The following HARBI1 variants were observed in gnomAD, a reference collection of about 807,000 sequenced individuals.
HARBI1 encodes harbinger transposase derived 1.
A neutral mutation model predicts 25.3 loss-of-function variants in HARBI1; 15 were observed. That is an observed-to-expected ratio of 0.59 (90% CI 0.40 to 0.91). HARBI1 has a LOEUF of 0.91. HARBI1 is among the 40% of genes least tolerant of loss of function. The pLI is 0.00. For synonymous variants in HARBI1, 168 were observed against 160.5 expected (o/e 1.05, Z -0.35); for missense variants, 396 against 445.8 (o/e 0.89, Z 1.01).
intron 2 of HARBI1, chr11:46,604,373 C>A (rs1229078304): frequency 1.2e-6 from 1 of 843,386 alleles, no homozygotes; most frequent in African/African-American, 1.8e-5. Flanking sequence ...CCATTGCACT[C>A]CAACCTGGGC....
At chr11:46,607,911 CAAAAA>C (rs201193777) in intron 2 of HARBI1, among the ~76,000 whole-genome samples, 1 of 74,904 alleles carries the variant, frequency 1.3e-5, no homozygotes, top group African/African-American at 4.3e-5. Flanking sequence ...AAAAATAATG[CAAAAA>C]AAAAAAAAAA....
intron 2 of HARBI1, among the ~76,000 whole-genome samples, chr11:46,607,717 A>T (rs1230486724): frequency 6.6e-6 from 1 of 152,210 alleles, no homozygotes; most frequent in Non-Finnish European, 1.5e-5. Context: ...TTATATGATC[A>T]GTCATCCACA....
chr11:46,612,533 A>G (rs1055257677), intron 2 of HARBI1, among the ~76,000 whole-genome samples: 1 of 152,198 alleles, frequency 6.6e-6, no homozygotes, highest in East Asian at 1.9e-4. Context: ...TGTTCTACTC[A>G]TAACAGTAAG....
At chr11:46,617,765 G>GCGA, upstream of HARBI1, 2 of 399,018 alleles carry the variant, frequency 5.0e-6, no homozygotes, top group Non-Finnish European at 8.8e-6. Flanking sequence ...GTGTCTATCG[G>GCGA]CGACGTGTAC....
chr11:46,613,253 G>C (rs2045253997), intron 2 of HARBI1, among the ~76,000 whole-genome samples: 1 of 151,996 alleles, frequency 6.6e-6, no homozygotes, highest in Admixed American at 6.6e-5. Flanking sequence ...CTGAAGTGCT[G>C]AGATTATAGG....
rs1354294742 is a variant in HARBI1 at position 46,616,196 on chromosome 11, T to C, written c.42A>G (p.Leu14=). The C allele has an allele frequency of 5.0e-6, 8 of 1,612,486 alleles. No individual in the cohort carries two copies. The South Asian group carries it at 5.5e-5, about 11-fold the overall frequency. ...CCAATGTCCGGTGACCACGGCCATA[T>C]AGCAAGAGGTCACAGTCAAGCACTG... is the stretch of plus-strand genomic sequence containing the variant. ...PITVLDCDLL[L]YGRGHRTLDR... Residue 14 remains leucine, a synonymous_variant, in exon 2 of 3, where the codon CTA becomes CTG. Transcript: ENST00000326737.
chr11:46,612,800 A>G (rs919777107), intron 2 of HARBI1, among the ~76,000 whole-genome samples: 3 of 149,990 alleles, frequency 2.0e-5, no homozygotes, highest in African/African-American at 4.9e-5. Flanking sequence ...CCTCCCAAGT[A>G]GCTGAGATTA....
At position 46,613,475 on chromosome 11, in the gene HARBI1, T is replaced by C. The variant is rs143521090; in HGVS notation, c.670+2093A>G. On this transcript the variant is annotated intron_variant, in intron 2 of 2. Transcript: ENST00000326737. Reference sequence around the variant, plus strand: ...ATTCTGGACAGTCCTGATAAGTATGTTGGCTTTTTTTTTTTTTTTTTTTTT... The same window carrying C: ...ATTCTGGACAGTCCTGATAAGTATGCTGGCTTTTTTTTTTTTTTTTTTTTT... Among the ~76,000 whole-genome samples the C allele has an allele frequency of 2.0e-3, 296 of 150,828 alleles. 1 individual carries two copies. Among genetic ancestry groups the C allele is most frequent in the African/African-American group, 6.5e-3 (267 of 40,888 alleles).
intron 2 of HARBI1, among the ~76,000 whole-genome samples, chr11:46,613,315 G>A (rs2045255795): frequency 6.6e-6 from 1 of 151,896 alleles, no homozygotes; most frequent in African/African-American, 2.4e-5. Flanking sequence ...TACTTCATAG[G>A]TAACTTTCAT....
rs775298236 is a variant in HARBI1 at position 46,615,674 on chromosome 11, G to C, written c.564C>G (p.Thr188=). ...GGCTGCCGGGCCAGTTTGTCTCCAC[G>C]GTCATTAGTGTCCCTCTAATGTCAC... is the stretch of plus-strand genomic sequence containing the variant. The part of the protein sequence containing the change: ...MVCDIRGTLM[T]VETNWPGSLQ... Residue 188 remains threonine, a synonymous_variant, in exon 2 of 3, where the codon ACC becomes ACG. Coordinates refer to ENST00000326737, the MANE Select transcript of HARBI1 (RefSeq NM_173811.4). 6.2e-7 allele frequency: 1 copy of C among 1,614,084 alleles called. No homozygotes were observed. The highest frequency in any genetic ancestry group is 8.5e-7 in the Non-Finnish European group (1 of 1,179,998).
At chr11:46,617,542 C>CCG (rs1555032930), upstream of HARBI1, 2 of 168,326 alleles carry the variant, frequency 1.2e-5, no homozygotes, top group African/African-American at 3.3e-5. Context: ...CCTCTTTCAC[C>CCG]CCCCCCCCCC....
intron 2 of HARBI1, among the ~76,000 whole-genome samples, chr11:46,605,482 C>T (rs946457222): frequency 2.0e-5 from 3 of 151,352 alleles, no homozygotes; most frequent in Non-Finnish European, 4.4e-5. Context: ...GGAATTACAG[C>T]GCCGAGCAGG....
intron 2 of HARBI1, among the ~76,000 whole-genome samples, chr11:46,604,886 T>C (rs766064192): frequency 6.6e-6 from 1 of 152,180 alleles, no homozygotes; most frequent in Non-Finnish European, 1.5e-5. Flanking sequence ...ACACAAGGCA[T>C]TCTCCTTAAG....
At chr11:46,604,350 A>G (rs2044859504) in intron 2 of HARBI1, 1 of 798,710 alleles carries the variant, frequency 1.3e-6, no homozygotes, top group African/African-American at 1.9e-5. Context: ...GATTGCAGTG[A>G]GCCAAGATCA....
At chr11:46,604,081 T>C in intron 2 of HARBI1, 172 bp from the exon 3 acceptor site, 1 of 985,354 alleles carries the variant, frequency 1.0e-6, no homozygotes, top group Non-Finnish European at 1.2e-6. Flanking sequence ...ATCATGCCAA[T>C]GCCAGGAGCA....
intron 1 of HARBI1, 26 bp from the exon 2 acceptor site, chr11:46,616,407 TAGGAACCTACCA>T: frequency 7.0e-7 from 1 of 1,424,078 alleles, no homozygotes; most frequent in Non-Finnish European, 9.1e-7. Context: ...GAAAAAACAT[TAGGAACCTACCA>T]AAGACTTTAA....
At chr11:46,605,378 T>A (rs2044899047) in intron 2 of HARBI1, among the ~76,000 whole-genome samples, 1 of 151,672 alleles carries the variant, frequency 6.6e-6, no homozygotes, top group African/African-American at 2.4e-5. Context: ...AAATTTTTAA[T>A]GTTTTCTAGA....
In HARBI1 at chr11:46,603,519, C is replaced by T. The variant is rs755986675; in HGVS notation, c.*11G>A. The T allele has an allele frequency of 1.7e-5, 26 of 1,563,704 alleles. No homozygotes were observed. Among genetic ancestry groups the T allele is most frequent in the Admixed American group, 3.6e-5 (2 of 55,272 alleles). On this transcript the variant is annotated 3_prime_UTR_variant, in exon 3 of 3. Coordinates refer to ENST00000326737, the MANE Select transcript of HARBI1 (RefSeq NM_173811.4). ...ACTCCTGGGAAGTATCCCTCCTCTC[C>T]ACCTTCTACATTAGCTAAAATGAGT...
intron 2 of HARBI1, chr11:46,604,349 G>T (rs1295174625): frequency 1.2e-6 from 1 of 803,680 alleles, no homozygotes; most frequent in East Asian, 1.3e-4. Context: ...AGATTGCAGT[G>T]AGCCAAGATC....
Sources: gnomAD v4.1 joint callset for allele counts (sites outside exome capture counted in the v4.1 genomes callset) on GRCh38, gnomAD v4.1.1 for gene constraint, MANE v1.5 for transcripts, NCBI Gene and HGNC (gene_info 2026-07-23, HGNC 2026-07-21) for gene names.